Variants in SPAG16 observed in about 807,000 individuals in gnomAD.
The protein encoded by SPAG16 is sperm-associated antigen 16 protein.
Under a neutral mutation model 80.4 loss-of-function variants are expected in SPAG16, and 86 were observed. That is an observed-to-expected ratio of 1.07 (90% CI 0.90 to 1.28). The LOEUF is 1.28. Ranked by LOEUF, SPAG16 falls within the 50% of genes most tolerant of loss-of-function variation. The pLI is 0.00. For synonymous variants in SPAG16, 294 were observed against 265.9 expected (o/e 1.11, Z -1.03); for missense variants, 870 against 765.3 (o/e 1.14, Z -1.61).
chr2:213,594,426 G>A (rs2060815718), intron 10 of SPAG16, among the ~76,000 whole-genome samples: 1 of 152,156 alleles, frequency 6.6e-6, no homozygotes, highest in East Asian at 1.9e-4. Flanking sequence ...TATACTTTAA[G>A]TTTCATTGCA....
At chr2:213,991,438 T>C (rs184717827) in intron 12 of SPAG16, among the ~76,000 whole-genome samples, 285 of 152,344 alleles carry the variant, frequency 1.9e-3, no homozygotes, top group African/African-American at 6.6e-3. Flanking sequence ...GTCTTTGCTA[T>C]TGTGAACAGT....
chr2:213,631,753 G>C (rs995811116), intron 10 of SPAG16, among the ~76,000 whole-genome samples: 4 of 152,134 alleles, frequency 2.6e-5, no homozygotes, highest in African/African-American at 9.7e-5. Context: ...CTTTTCCCCA[G>C]GGTATGTTCT....
intron 9 of SPAG16, among the ~76,000 whole-genome samples, chr2:213,412,502 C>A (rs2069030726): frequency 6.6e-6 from 1 of 152,176 alleles, no homozygotes; most frequent in Non-Finnish European, 1.5e-5. Context: ...CCTCGTTTAA[C>A]TTTTATGAAT....
rs186971921 is a variant in SPAG16 at position 214,350,657 on chromosome 2, A to G, written c.1721-59483A>G. Among the ~76,000 whole-genome samples, 451 of 152,230 alleles carry G rather than the reference A, an allele frequency of 3.0e-3. 3 individuals carry two copies. The highest frequency in any genetic ancestry group is 0.01 in the African/African-American group (427 of 41,532). On this transcript the variant is annotated intron_variant, in intron 15 of 15. Transcript: ENST00000331683. ...ATGGTGTGTATTTCCCCAGGTCTACATGTTGTCCCCTTGGAAGGCTCAGAT... is the reference window on the plus strand; with the variant it reads ...ATGGTGTGTATTTCCCCAGGTCTACGTGTTGTCCCCTTGGAAGGCTCAGAT...
At chr2:213,385,639 A>G (rs1474169124) in intron 9 of SPAG16, among the ~76,000 whole-genome samples, 1 of 152,186 alleles carries the variant, frequency 6.6e-6, no homozygotes, top group African/African-American at 2.4e-5. Context: ...GTATTGTCTC[A>G]TAAGACAGAA....
At chr2:214,014,110 TTGATAAGTC>T in intron 13 of SPAG16, 33 bp downstream of exon 13, 3 of 1,608,608 alleles carry the variant, frequency 1.9e-6, no homozygotes, top group Non-Finnish European at 2.5e-6. Context: ...TTCCCAGCTT[TTGATAAGTC>T]TGATTACTCT....
At chr2:213,912,021 C>T (rs1045314343) in intron 11 of SPAG16, among the ~76,000 whole-genome samples, 1 of 151,968 alleles carries the variant, frequency 6.6e-6, no homozygotes, top group African/African-American at 2.4e-5. Flanking sequence ...ACTACAAAAT[C>T]CTGCAAACTC....
Position 213,872,731 on chromosome 2 carries a change from A to G in SPAG16, c.1214+10103A>G, listed in dbSNP as rs559806722. On this transcript the variant is annotated intron_variant, in intron 11 of 15. Transcript: ENST00000331683. Reference sequence around the variant, plus strand: ...ATGATGTTAGTTGTGGGATTTTTGTAGATGCTTTTATTAGGTTGAAGAAGT... The same window carrying G: ...ATGATGTTAGTTGTGGGATTTTTGTGGATGCTTTTATTAGGTTGAAGAAGT... 6.6e-5 allele frequency among the ~76,000 whole-genome samples: 10 copies of G among 152,224 alleles called. No homozygotes were observed. In the South Asian group the frequency reaches 2.1e-3, roughly 32 times the overall value.
At chr2:214,236,887 A>G (rs1488450752) in intron 15 of SPAG16, among the ~76,000 whole-genome samples, 5 of 151,888 alleles carry the variant, frequency 3.3e-5, no homozygotes, top group African/African-American at 7.2e-5. Context: ...AGTTTATGCA[A>G]TTTTCCTTAG....
intron 15 of SPAG16, among the ~76,000 whole-genome samples, chr2:214,342,731 GC>G (rs1323910080): frequency 3.3e-5 from 5 of 152,066 alleles, no homozygotes; most frequent in African/African-American, 1.2e-4. Context: ...TGTGAAACTG[GC>G]CCGTGGTACC....
chr2:214,390,198 A>G (rs1385399097), intron 15 of SPAG16, among the ~76,000 whole-genome samples: 1 of 152,098 alleles, frequency 6.6e-6, no homozygotes, highest in African/African-American at 2.4e-5. Context: ...TTATACCTCC[A>G]GTAATGGCCT....
chr2:213,628,907 G>A (rs563390803), intron 10 of SPAG16, among the ~76,000 whole-genome samples: 4 of 152,180 alleles, frequency 2.6e-5, no homozygotes, highest in Non-Finnish European at 4.4e-5. Flanking sequence ...CGTGTTGTTT[G>A]TATTAAGCAC....
chr2:213,514,503 C>T (rs964341523), intron 10 of SPAG16, among the ~76,000 whole-genome samples: 9 of 151,810 alleles, frequency 5.9e-5, no homozygotes, highest in Non-Finnish European at 1.0e-4. Flanking sequence ...TTTTAGGGTA[C>T]ATGTGCACAT....
chr2:214,241,985 G>A (rs1032508330), intron 15 of SPAG16, among the ~76,000 whole-genome samples: 3 of 152,142 alleles, frequency 2.0e-5, no homozygotes, highest in African/African-American at 7.2e-5. Flanking sequence ...GTCTGGTATA[G>A]CTTAACATTC....
At chr2:214,388,301 G>T (rs1171223504) in intron 15 of SPAG16, among the ~76,000 whole-genome samples, 2 of 152,130 alleles carry the variant, frequency 1.3e-5, no homozygotes, top group South Asian at 2.1e-4. Context: ...ATAGAAAATT[G>T]CTAGGTCCTC....
chr2:214,280,712 G>A (rs1692858589), intron 15 of SPAG16: 1 of 364,636 alleles, frequency 2.7e-6, no homozygotes, highest in South Asian at 2.8e-5. Context: ...TTCTGAGCAA[G>A]GGACATTTTG....
In SPAG16 at chr2:213,701,051, C is replaced by A. The variant is rs189859814; in HGVS notation, c.1071-161434C>A. Among the ~76,000 whole-genome samples, 26 of 152,074 alleles carry A rather than the reference C, an allele frequency of 1.7e-4. 2 individuals carry two copies. Among genetic ancestry groups the A allele is most frequent in the African/African-American group, 6.0e-4 (25 of 41,490 alleles). On this transcript the variant is annotated intron_variant, in intron 10 of 15. Transcript: ENST00000331683. Reference sequence around the variant, plus strand: ...GGTCAGGAGTTCCAGACCAGCCTGGCCAACATGGTGAAACCCCATCTCTAC... The same window carrying A: ...GGTCAGGAGTTCCAGACCAGCCTGGACAACATGGTGAAACCCCATCTCTAC...
chr2:214,073,712 G>T (rs755428837), intron 13 of SPAG16, among the ~76,000 whole-genome samples: 2 of 152,028 alleles, frequency 1.3e-5, no homozygotes, highest in Non-Finnish European at 2.9e-5. Flanking sequence ...AATTCTTATG[G>T]CAATACAAAG....
intron 11 of SPAG16, among the ~76,000 whole-genome samples, chr2:213,891,890 A>G (rs2106081898): frequency 1.3e-5 from 2 of 152,288 alleles, no homozygotes; most frequent in South Asian, 4.1e-4. Context: ...ATCAAGATGG[A>G]CAACCATCTT....
Sources: allele counts gnomAD v4.1 joint callset (sites outside exome capture counted in the v4.1 genomes callset), GRCh38; gene constraint gnomAD v4.1.1; transcripts MANE v1.5; gene names NCBI Gene and HGNC (gene_info 2026-07-23, HGNC 2026-07-21).